Variants in FRMPD4 observed in about 807,000 individuals in gnomAD.
FRMPD4 encodes FERM and PDZ domain-containing protein 4.
In FRMPD4, 22 loss-of-function variants were observed where a neutral mutation model predicts 94.1. That is an observed-to-expected ratio of 0.23 (90% confidence interval 0.17 to 0.33). The LOEUF is 0.33. FRMPD4 is among the 10% of genes least tolerant of loss of function. The pLI, the probability that FRMPD4 is intolerant of heterozygous loss-of-function variation, is 1.00. For missense variants in FRMPD4, 1,111 were observed against 1,339.9 expected (o/e 0.83, Z 2.67); for synonymous variants, 631 against 548.6 (o/e 1.15, Z -2.10).
At chrX:12,076,086 G>A (rs1476860275) in intron 3 of FRMPD4, among the ~76,000 whole-genome samples, 1 of 111,608 alleles carries the variant, frequency 9.0e-6, no homozygotes, top group Non-Finnish European at 1.9e-5. Context: ...TTCCTGCCCT[G>A]AATGAGGAAT....
intron 3 of FRMPD4, among the ~76,000 whole-genome samples, chrX:12,023,743 C>T (rs111297894): frequency 0.012 from 1,365 of 111,310 alleles, 22 homozygotes; most frequent in African/African-American, 0.042. Flanking sequence ...AACTCTGCTC[C>T]ATTTTTTTTT....
Position 12,718,763 on chromosome X carries a change from C to T in FRMPD4, c.3937C>T (p.Arg1313Trp), listed in dbSNP as rs41303149. ...TGGCACATTGAGAGATGGATGCCAT[C>T]GGCTCCCCAAGATTAAGGAAACCAC... The part of the protein sequence containing the change: ...LFGTLRDGCH[R>W]LPKIKETTAL... Residue 1313 changes from arginine (R) to tryptophan (W), a missense_variant, in exon 16 of 17, where the codon CGG becomes TGG. Around this residue, in one of 8 missense-constraint regions of FRMPD4, gnomAD observed 551 missense variants for 591.6 expected, o/e 0.93. Coordinates refer to ENST00000675598, the MANE Select transcript of FRMPD4 (RefSeq NM_001368397.1). The T allele has an allele frequency of 1.3e-5, 15 of 1,198,730 alleles. No homozygotes were observed. Among genetic ancestry groups the T allele is most frequent in the Non-Finnish European group, 1.5e-5 (13 of 885,475 alleles).
intron 2 of FRMPD4, among the ~76,000 whole-genome samples, chrX:12,539,378 A>G (rs1353777842): frequency 1.8e-5 from 2 of 112,297 alleles, no homozygotes; most frequent in Non-Finnish European, 3.8e-5. Flanking sequence ...GATATTATCC[A>G]GGAGAAATTC....
intron 6 of FRMPD4, 43 bp from the exon 7 acceptor site, chrX:12,686,054 T>G (rs745348748): frequency 1.6e-6 from 1 of 626,043 alleles, no homozygotes; most frequent in Non-Finnish European, 2.7e-6. Flanking sequence ...AGAAGAGTTA[T>G]AATTTGATCA....
intron 3 of FRMPD4, among the ~76,000 whole-genome samples, chrX:12,016,573 C>T (rs1054177838): frequency 2.7e-5 from 3 of 111,448 alleles, no homozygotes; most frequent in African/African-American, 9.8e-5. Flanking sequence ...AGAGTTATAC[C>T]TCTTGTCATT....
In FRMPD4 at chrX:12,021,288, G is replaced by T. The variant is rs192164367; in HGVS notation, c.95+143270G>T. Among the ~76,000 whole-genome samples the T allele has an allele frequency of 5.4e-5, 6 of 111,447 alleles. No homozygotes were observed. In the East Asian group the frequency reaches 1.7e-3, roughly 31 times the overall value. On this transcript the variant is annotated intron_variant, in intron 3 of 18. Transcript: ENST00000640291. The stretch of plus-strand genomic sequence containing the variant: ...AGAAGTGTTAGAGCAGTGTTCAAGT[G>T]ATATATAAAAACACTTCTGTGCTTT...
chrX:12,290,427 C>G (rs892330632), intron 1 of FRMPD4, among the ~76,000 whole-genome samples: 1 of 112,372 alleles, frequency 8.9e-6, no homozygotes, highest in Non-Finnish European at 1.9e-5. Context: ...TCTCCTCTGT[C>G]ACTTGGGATT....
intron 4 of FRMPD4, among the ~76,000 whole-genome samples, chrX:12,628,713 C>G (rs1035073295): frequency 1.2e-4 from 13 of 112,727 alleles, no homozygotes; most frequent in Non-Finnish European, 5.6e-5. Flanking sequence ...AGTCTGGACC[C>G]GTTGCTTGTC....
Position 11,906,483 on chromosome X carries a change from GA to G in FRMPD4, c.95+28466del, listed in dbSNP as rs2053968731. Among the ~76,000 whole-genome samples, 5 of 111,809 alleles carry G rather than the reference GA, an allele frequency of 4.5e-5. No individual in the cohort carries two copies. The South Asian group carries it at 1.9e-3, about 42-fold the overall frequency. On this transcript the variant is annotated intron_variant, in intron 3 of 18. Transcript: ENST00000640291. ...CATTTTCAAAGGTAGTTTTTGCTAAGATATAGAATTCTTGGCTGACAGTTTT... is the reference window on the plus strand; with the variant it reads ...CATTTTCAAAGGTAGTTTTTGCTAAGTATAGAATTCTTGGCTGACAGTTTT...
chrX:12,119,299 C>G (rs1013143119), intron 3 of FRMPD4, among the ~76,000 whole-genome samples: 32 of 111,716 alleles, frequency 2.9e-4, no homozygotes, highest in Non-Finnish European at 5.3e-4. Flanking sequence ...GTTTAACACC[C>G]TAGGGCTGTT....
chrX:12,128,477 C>G (rs2055520376), intron 3 of FRMPD4, among the ~76,000 whole-genome samples: 1 of 112,058 alleles, frequency 8.9e-6, no homozygotes, highest in Non-Finnish European at 1.9e-5. Flanking sequence ...ACCCAAAAAA[C>G]CATTTTTCCA....
intron 1 of FRMPD4, among the ~76,000 whole-genome samples, chrX:12,451,988 A>AT (rs1220115350): frequency 9.0e-6 from 1 of 110,544 alleles, no homozygotes. Context: ...ATGAGACATT[A>AT]TATGGACTGT....
chrX:12,159,963 A>G (rs72612871), intron 1 of FRMPD4, among the ~76,000 whole-genome samples: 1,140 of 111,405 alleles, frequency 0.01, 30 homozygotes, highest in East Asian at 0.096. Context: ...GGGAAGGGCT[A>G]GAAAGAGGGT....
intron 1 of FRMPD4, among the ~76,000 whole-genome samples, chrX:12,430,599 A>T (rs1207871588): frequency 1.8e-5 from 2 of 111,977 alleles, no homozygotes; most frequent in African/African-American, 6.5e-5. Flanking sequence ...GTTCATCTTA[A>T]CGCCTGGTTT....
rs141824786 is a variant in FRMPD4, at chrX:11,947,236, A to C, written c.95+69218A>C. On this transcript the variant is annotated intron_variant, in intron 3 of 18. Transcript: ENST00000640291. Reference sequence around the variant, plus strand: ...AAATCTGAAAGATCCTGAGTTCTGAAACATAAATCACTTAGGGTTTCAGAT... The same window carrying C: ...AAATCTGAAAGATCCTGAGTTCTGACACATAAATCACTTAGGGTTTCAGAT... Among the ~76,000 whole-genome samples the C allele has an allele frequency of 7.0e-3, 781 of 112,332 alleles. 5 individuals carry two copies. The highest frequency in any genetic ancestry group is 0.024 in the African/African-American group (748 of 30,971).
At chrX:11,875,593 C>A (rs932193650) in intron 2 of FRMPD4, among the ~76,000 whole-genome samples, 12 of 111,893 alleles carry the variant, frequency 1.1e-4, no homozygotes, top group Non-Finnish European at 2.3e-4. Flanking sequence ...CAAGCTTCCT[C>A]CTCCTAGAAT....
intron 1 of FRMPD4, among the ~76,000 whole-genome samples, chrX:12,401,413 G>A (rs1013596828): frequency 5.0e-4 from 55 of 109,956 alleles, no homozygotes; most frequent in African/African-American, 1.8e-3. Flanking sequence ...GTTTATTTTG[G>A]CAGCTCTTGG....
chrX:12,040,553 CTTTTTTT>C (rs760980082), intron 3 of FRMPD4, among the ~76,000 whole-genome samples: 3 of 58,891 alleles, frequency 5.1e-5, no homozygotes, highest in Non-Finnish European at 9.0e-5. Context: ...TTATGTCTGC[CTTTTTTT>C]TTTTTTTTTT....
At chrX:11,857,903 A>T (rs1398632195) in intron 1 of FRMPD4, among the ~76,000 whole-genome samples, 1 of 112,716 alleles carries the variant, frequency 8.9e-6, no homozygotes, top group Admixed American at 9.4e-5. Context: ...GTACATGAAC[A>T]TATCCTTTTT....
Sources: allele counts gnomAD v4.1 joint callset (sites outside exome capture counted in the v4.1 genomes callset), GRCh38; gene constraint gnomAD v4.1.1; regional missense constraint gnomAD v4.1.1; transcripts MANE v1.5; gene names NCBI Gene and HGNC (gene_info 2026-07-23, HGNC 2026-07-21).